The following MAMLD1 variants were observed in gnomAD, a reference collection of about 807,000 sequenced individuals.
MAMLD1 encodes the protein mastermind-like domain-containing protein 1.
MAMLD1 carries 14 observed loss-of-function variants against 45.0 expected under a neutral mutation model. That is an observed-to-expected ratio of 0.31 (90% CI 0.21 to 0.49). The LOEUF is 0.49. Ranked by LOEUF, MAMLD1 falls within the 20% of genes least tolerant of loss-of-function variation. MAMLD1 has a pLI of 0.99. For synonymous variants in MAMLD1, 254 were observed against 247.8 expected (o/e 1.02, Z -0.24); for missense variants, 543 against 603.6 (o/e 0.90, Z 1.05).
intron 2 of MAMLD1, among the ~76,000 whole-genome samples, chrX:150,451,354 A>G (rs1210221339): frequency 8.1e-5 from 9 of 111,632 alleles, no homozygotes; most frequent in Non-Finnish European, 1.5e-4. Context: ...AGACTCCAGG[A>G]CAGAGTTGAG....
At chrX:150,377,925 A>T (rs2124469929) in intron 1 of MAMLD1, among the ~76,000 whole-genome samples, 1 of 110,861 alleles carries the variant, frequency 9.0e-6, no homozygotes, top group South Asian at 3.8e-4. Flanking sequence ...ATACTGCATT[A>T]TATATTTCCT....
rs868989767 is a variant in MAMLD1 at position 150,382,886 on chromosome X, T to A, written c.-64+19356T>A. Among the ~76,000 whole-genome samples, 19 of 14,811 alleles carry A rather than the reference T, an allele frequency of 1.3e-3. 5 individuals are homozygous for A. The highest frequency in any genetic ancestry group is 7.1e-3 in the South Asian group (5 of 704). 12.9% of individuals were successfully genotyped at this position (14,811 alleles called of 115,157 possible). A position where few individuals can be genotyped will look rare whatever the true frequency, so the allele number is the denominator to read the frequency against. ...AAATATTTTGTCCCATTTTATTTTA[T>A]TTTTTTTTTTTTTTATTTTTTATTT... On this transcript the variant is annotated intron_variant, in intron 1 of 7. Coordinates refer to ENST00000370401, the MANE Select transcript of MAMLD1 (RefSeq NM_005491.5).
chrX:150,362,009 C>G (rs1356273521), upstream of MAMLD1, among the ~76,000 whole-genome samples: 2 of 112,523 alleles, frequency 1.8e-5, no homozygotes, highest in Admixed American at 1.9e-4. Flanking sequence ...CGGGCGACGC[C>G]GACAGCGTCC....
At chrX:150,397,324 A>G (rs1384190987) in intron 1 of MAMLD1, among the ~76,000 whole-genome samples, 1 of 112,257 alleles carries the variant, frequency 8.9e-6, no homozygotes, top group Admixed American at 9.5e-5. Flanking sequence ...CAGAACTGAC[A>G]TCTTTATGAT....
intron 5 of MAMLD1, among the ~76,000 whole-genome samples, chrX:150,479,492 A>T (rs1475864514): frequency 8.9e-6 from 1 of 112,301 alleles, no homozygotes; most frequent in Non-Finnish European, 1.9e-5. Flanking sequence ...AACATATCTG[A>T]AGAGAAACAA....
At chrX:150,417,009 CTTTCT>C (rs2034265691) in intron 1 of MAMLD1, among the ~76,000 whole-genome samples, 2 of 109,614 alleles carry the variant, frequency 1.8e-5, no homozygotes, top group Admixed American at 9.7e-5. Context: ...TTCTTTCTTT[CTTTCT>C]TTTTTTTTAT....
chrX:150,441,006 ATAT>A (rs2035293573), intron 1 of MAMLD1, among the ~76,000 whole-genome samples: 1 of 104,797 alleles, frequency 9.5e-6, no homozygotes, highest in Admixed American at 1.1e-4. Context: ...TTTAATATAA[ATAT>A]TAATATTTAA....
intron 1 of MAMLD1, among the ~76,000 whole-genome samples, chrX:150,398,324 A>AGG (rs2124510826): frequency 1.1e-5 from 1 of 91,268 alleles, no homozygotes; most frequent in African/African-American, 4.1e-5. Context: ...GAAGAAGAAG[A>AGG]AGAAGAAGAA....
rs782138899 is a variant in MAMLD1 at position 150,420,329 on chromosome X, T to G, written c.-63-25125T>G. Among the ~76,000 whole-genome samples the G allele has an allele frequency of 4.6e-5, 4 of 87,665 alleles. No homozygotes were observed. In the East Asian group the frequency reaches 1.5e-3, roughly 32 times the overall value. 76.1% of individuals were successfully genotyped at this position (87,665 alleles called of 115,157 possible). On this transcript the variant is annotated intron_variant, in intron 1 of 7. Coordinates refer to ENST00000370401, the MANE Select transcript of MAMLD1 (RefSeq NM_005491.5). ...ACTTCTCTGTATTGGTTATTCTAGT[T>G]ATACATTCTTCTAAATTTTTTTCAA...
chrX:150,428,031 A>C (rs782317966), intron 1 of MAMLD1, among the ~76,000 whole-genome samples: 1 of 111,150 alleles, frequency 9.0e-6, no homozygotes, highest in South Asian at 3.9e-4. Flanking sequence ...GATAAGCAAG[A>C]GGTCGTAGAT....
At chrX:150,480,253 AGG>A (rs1227925395) in intron 5 of MAMLD1, among the ~76,000 whole-genome samples, 14 of 112,294 alleles carry the variant, frequency 1.2e-4, no homozygotes, top group African/African-American at 4.5e-4. Flanking sequence ...TTTAGCTTGA[AGG>A]GGATAGCAGA....
intron 1 of MAMLD1, among the ~76,000 whole-genome samples, chrX:150,384,466 T>G (rs1244219492): frequency 8.9e-6 from 1 of 111,975 alleles, no homozygotes. Context: ...GGATTATTTG[T>G]CTTTCTATTG....
intron 1 of MAMLD1, among the ~76,000 whole-genome samples, chrX:150,396,147 TA>T (rs2033406114): frequency 1.2e-5 from 1 of 83,984 alleles, no homozygotes; most frequent in African/African-American, 4.3e-5. Context: ...CATACCTGGC[TA>T]ATTTTTTTTT....
chrX:150,445,275 C>T (rs1416639103), intron 1 of MAMLD1, among the ~76,000 whole-genome samples, 179 bp from the exon 2 acceptor site: 2 of 110,881 alleles, frequency 1.8e-5, no homozygotes, highest in Non-Finnish European at 3.8e-5. Context: ...AACTGTCTCA[C>T]AAAAATGCCC....
At chrX:150,437,295 G>A (rs1468549939) in intron 1 of MAMLD1, among the ~76,000 whole-genome samples, 1 of 111,930 alleles carries the variant, frequency 8.9e-6, no homozygotes, top group Non-Finnish European at 1.9e-5. Context: ...CCATGCAGAT[G>A]TTCACAGTGT....
chrX:150,483,255 T>C (rs1377792953), intron 5 of MAMLD1, among the ~76,000 whole-genome samples: 1 of 112,451 alleles, frequency 8.9e-6, no homozygotes, highest in Admixed American at 9.4e-5. Context: ...ACAAGATCTC[T>C]GGTTTCTGCC....
At position 150,513,229 on chromosome X, in the gene MAMLD1, T is replaced by C; in HGVS notation, c.*1270T>C. 1 of 472,823 alleles carries C rather than the reference T, an allele frequency of 2.1e-6. No homozygotes were observed. The highest frequency in any genetic ancestry group is 3.4e-6 in the Non-Finnish European group (1 of 290,624). The allele number at this position is 472,823 out of a possible 1,213,427, so 39.0% of individuals were successfully genotyped here. On this transcript the variant is annotated 3_prime_UTR_variant, in exon 8 of 8. Coordinates refer to ENST00000370401, the MANE Select transcript of MAMLD1 (RefSeq NM_005491.5). ...CTGTGACAAAATGGAAAGCTGGTGA[T>C]TTTTCAAGCTACGTGTACATATTTG...
intron 3 of MAMLD1, among the ~76,000 whole-genome samples, chrX:150,466,779 C>A (rs924064486): frequency 7.2e-5 from 8 of 111,548 alleles, no homozygotes; most frequent in Non-Finnish European, 1.3e-4. Context: ...AGCCTCCTTC[C>A]CTTTGCCAGT....
In MAMLD1 at chrX:150,512,830, T is replaced by G. The variant is rs782065179; in HGVS notation, c.*871T>G. 22 of 1,154,149 alleles carry G rather than the reference T, an allele frequency of 1.9e-5. No individual in the cohort carries two copies. Among genetic ancestry groups the G allele is most frequent in the Non-Finnish European group, 1.1e-6 (1 of 872,643 alleles). On this transcript the variant is annotated 3_prime_UTR_variant, in exon 8 of 8. Coordinates refer to ENST00000370401, the MANE Select transcript of MAMLD1 (RefSeq NM_005491.5). ...CGTTCGACAGAACGGATATTCCCCC[T>G]GAGCTGCCACCTGCCGACTTTTTGC...
Sources: allele counts gnomAD v4.1 joint callset (sites outside exome capture counted in the v4.1 genomes callset), GRCh38; gene constraint gnomAD v4.1.1; transcripts MANE v1.5; gene names NCBI Gene and HGNC (gene_info 2026-07-23, HGNC 2026-07-21).